DPH6: variants seen among roughly 807,000 people sequenced by gnomAD.
DPH6 encodes diphthine--ammonia ligase.
A neutral mutation model predicts 38.2 loss-of-function variants in DPH6; 33 were observed. The ratio of observed to expected loss-of-function variants is 0.86; its 90% CI spans 0.65 to 1.15. The LOEUF is 1.15. DPH6 is among the 50% of genes most tolerant of loss of function. DPH6 has a pLI of 0.00. For synonymous variants in DPH6, 108 were observed against 103.0 expected (o/e 1.05, Z -0.30); for missense variants, 325 against 320.0 (o/e 1.02, Z -0.12).
At chr15:35,279,048 C>CAAAAAAAAAA (rs71123126) in intron 3 of DPH6, among the ~76,000 whole-genome samples, 2 of 70,686 alleles carry the variant, frequency 2.8e-5, no homozygotes, top group African/African-American at 1.3e-4. Context: ...GACTCTGTCT[C>CAAAAAAAAAA]AAAAAAAAAA....
Position 35,401,425 on chromosome 15 carries a change from G to C in DPH6, c.567+9410C>G, listed in dbSNP as rs1400180060. On this transcript the variant is annotated intron_variant, in intron 6 of 8. Coordinates refer to ENST00000256538, the MANE Select transcript of DPH6 (RefSeq NM_080650.4). ...TGGTGGTTATGGAGGAAGCGGCCCT[G>C]GTTATTCTGGAGGAAGCAGGGGCTA... 5 of 772,048 alleles carry C rather than the reference G, an allele frequency of 6.5e-6. No homozygotes were observed. The Admixed American group carries it at 7.0e-5, about 11-fold the overall frequency. The allele number at this position is 772,048 out of a possible 1,614,324, so 47.8% of individuals were successfully genotyped here.
At chr15:35,520,299 C>A in intron 3 of DPH6, 3 of 972,614 alleles carry the variant, frequency 3.1e-6, no homozygotes, top group Non-Finnish European at 3.7e-6. Flanking sequence ...TTTTATTACA[C>A]ATAAAAACTC....
intron 3 of DPH6, among the ~76,000 whole-genome samples, chr15:35,514,399 C>T (rs1228028442): frequency 1.3e-5 from 2 of 152,050 alleles, no homozygotes; most frequent in South Asian, 2.1e-4. Flanking sequence ...TTAAAATTTA[C>T]GGAATGTTAC....
chr15:35,253,717 T>C (rs2051689641), intron 3 of DPH6, among the ~76,000 whole-genome samples: 2 of 152,162 alleles, frequency 1.3e-5, no homozygotes, highest in Admixed American at 1.3e-4. Context: ...AGCCTAAAAA[T>C]CCAGACCACA....
At chr15:35,229,422 C>G (rs1030504635) in intron 3 of DPH6, among the ~76,000 whole-genome samples, 2 of 152,036 alleles carry the variant, frequency 1.3e-5, no homozygotes, top group African/African-American at 4.8e-5. Context: ...TTAAATTTAG[C>G]TGATAGAATT....
intron 5 of DPH6, among the ~76,000 whole-genome samples, chr15:35,443,413 T>C (rs1026254276): frequency 1.3e-5 from 2 of 152,128 alleles, no homozygotes; most frequent in African/African-American, 4.8e-5. Context: ...GAGAAAGAGA[T>C]ATAATCTTGC....
intron 3 of DPH6, among the ~76,000 whole-genome samples, chr15:35,497,824 CTTAAAAGACAATAT>C (rs1313491661): frequency 1.3e-5 from 2 of 152,130 alleles, no homozygotes; most frequent in Admixed American, 1.3e-4. Context: ...GCAACAGATA[CTTAAAAGACAATAT>C]TCTACTAACA....
chr15:35,292,491 T>C (rs1238970514), intron 3 of DPH6, among the ~76,000 whole-genome samples: 3 of 152,134 alleles, frequency 2.0e-5, no homozygotes, highest in Non-Finnish European at 2.9e-5. Context: ...TGCTAAATGT[T>C]CAGGACTAAT....
chr15:35,519,373 T>G (rs1216421519), intron 3 of DPH6: 2 of 151,902 alleles, frequency 1.3e-5, no homozygotes, highest in African/African-American at 4.8e-5. Flanking sequence ...ACAAAGGAAC[T>G]AAATTATTTT....
intron 3 of DPH6, among the ~76,000 whole-genome samples, chr15:35,253,382 G>C (rs548367250): frequency 3.9e-5 from 6 of 152,102 alleles, no homozygotes; most frequent in African/African-American, 1.4e-4. Context: ...TGGTGCACAG[G>C]AACTATATGA....
chr15:35,374,046 G>A (rs565428164), intron 7 of DPH6, among the ~76,000 whole-genome samples: 1 of 152,030 alleles, frequency 6.6e-6, no homozygotes, highest in African/African-American at 2.4e-5. Flanking sequence ...AAGCAGTACT[G>A]GTGATGATTT....
chr15:35,507,248 T>C lies in DPH6; in HGVS notation c.312+31026A>G, dbSNP rs143338833. 8.1e-3 allele frequency among the ~76,000 whole-genome samples: 1,229 copies of C among 152,212 alleles called. 8 individuals are homozygous for C. Among genetic ancestry groups the C allele is most frequent in the Non-Finnish European group, 0.014 (942 of 67,956 alleles). ...AAAGAAAACACACAAATTTAATGCA[T>C]TCATTCTAAAGATGAATATACAAGA... On this transcript the variant is annotated intron_variant, in intron 3 of 8. Coordinates refer to ENST00000256538, the MANE Select transcript of DPH6 (RefSeq NM_080650.4).
intron 3 of DPH6, chr15:35,519,681 T>C (rs2054894661): frequency 6.6e-6 from 1 of 152,386 alleles, no homozygotes. Flanking sequence ...ACCTGAACAT[T>C]TGAAATCATC....
At position 35,352,348 on chromosome 15, in the gene DPH6, T is replaced by C. The variant is rs111380007; in HGVS notation, n.207+21173A>G. Among the ~76,000 whole-genome samples the C allele has an allele frequency of 3.4e-3, 517 of 152,300 alleles. 2 individuals are homozygous for C. The highest frequency in any genetic ancestry group is 0.012 in the African/African-American group (478 of 41,546). ...ACAACGTGCAGGTTTGTTACATATG[T>C]ATACATGTGCCATGTTGGTGTGCTG... On this transcript the variant is annotated intron_variant and non_coding_transcript_variant, in intron 3 of 3. Coordinates refer to the DPH6 transcript ENST00000558973.
At chr15:35,521,965 G>C in intron 3 of DPH6, 1 of 1,432,276 alleles carries the variant, frequency 7.0e-7, no homozygotes. Flanking sequence ...TCTTGCCTAG[G>C]TAAGTACTAA....
At chr15:35,453,367 A>G (rs2053959623) in intron 4 of DPH6, among the ~76,000 whole-genome samples, 1 of 152,142 alleles carries the variant, frequency 6.6e-6, no homozygotes, top group South Asian at 2.1e-4. Context: ...TCATAAATAG[A>G]TGTCATCCCT....
chr15:35,262,577 G>A (rs1451638674), intron 3 of DPH6, among the ~76,000 whole-genome samples: 2 of 151,820 alleles, frequency 1.3e-5, no homozygotes, highest in South Asian at 4.1e-4. Flanking sequence ...GTGGTGGCGG[G>A]CGCCTGTAGT....
intron 5 of DPH6, among the ~76,000 whole-genome samples, chr15:35,450,010 T>A (rs2053911451): frequency 6.6e-6 from 1 of 152,056 alleles, no homozygotes; most frequent in Non-Finnish European, 1.5e-5. Flanking sequence ...GTTCACGAAA[T>A]GAACAGACTG....
intron 5 of DPH6, among the ~76,000 whole-genome samples, chr15:35,412,709 G>A (rs2053382622): frequency 6.6e-6 from 1 of 151,664 alleles, no homozygotes; most frequent in Non-Finnish European, 1.5e-5. Flanking sequence ...ATATTACTAA[G>A]TGAAAAAAGC....
Sources: gnomAD v4.1 joint callset for allele counts (sites outside exome capture counted in the v4.1 genomes callset) on GRCh38, gnomAD v4.1.1 for gene constraint, MANE v1.5 for transcripts, NCBI Gene and HGNC (gene_info 2026-07-23, HGNC 2026-07-21) for gene names.